Variants in ATR observed in about 807,000 individuals in gnomAD.
ATR encodes the protein serine/threonine-protein kinase ATR.
A neutral mutation model predicts 305.3 loss-of-function variants in ATR; 142 were observed. The observed-to-expected ratio is 0.47, with a 90% CI of 0.41 to 0.53. The LOEUF is 0.53. ATR is among the 20% of genes least tolerant of loss of function. The pLI is 0.00. For synonymous variants in ATR, 1,050 were observed against 1,068.1 expected, an observed-to-expected ratio of 0.98 and a Z score of 0.33; for missense variants, 2,135 against 3,133.1, an observed-to-expected ratio of 0.68 and a Z score of 7.60.
intron 3 of ATR, among the ~76,000 whole-genome samples, 187 bp downstream of exon 3, chr3:142,565,934 T>C (rs1326678540): frequency 6.6e-6 from 1 of 152,074 alleles, no homozygotes; most frequent in Non-Finnish European, 1.5e-5. Context: ...GTACCTAGTA[T>C]ACAATACTAA....
chr3:142,543,867 C>T (rs564572425), intron 16 of ATR, among the ~76,000 whole-genome samples: 4 of 151,954 alleles, frequency 2.6e-5, no homozygotes, highest in Non-Finnish European at 4.4e-5. Context: ...GATGGAGTTT[C>T]GCCATGTTGC....
intron 25 of ATR, among the ~76,000 whole-genome samples, chr3:142,514,807 CAAAAAAAAAA>C (rs56770183): frequency 1.0e-5 from 1 of 99,864 alleles, no homozygotes; most frequent in African/African-American, 3.8e-5. Context: ...GACTCCGTCA[CAAAAAAAAAA>C]AAAAAAAAAA....
At chr3:142,576,466 T>C (rs943433105) in intron 1 of ATR, among the ~76,000 whole-genome samples, 4 of 152,212 alleles carry the variant, frequency 2.6e-5, no homozygotes, top group Admixed American at 6.5e-5. Context: ...GCCAAGGACA[T>C]AGACTGAAAG....
intron 18 of ATR, among the ~76,000 whole-genome samples, chr3:142,540,384 C>A (rs1346785806): frequency 6.6e-6 from 1 of 152,066 alleles, no homozygotes; most frequent in Non-Finnish European, 1.5e-5. Context: ...CATCTCTGGT[C>A]ATATACAACA....
chr3:142,507,666 C>T (rs1346715104), intron 28 of ATR, among the ~76,000 whole-genome samples: 2 of 152,146 alleles, frequency 1.3e-5, no homozygotes, highest in Non-Finnish European at 2.9e-5. Flanking sequence ...TTTTAAGACA[C>T]CATCTCCAAG....
At chr3:142,551,395 C>T (rs1218424279) in intron 13 of ATR, among the ~76,000 whole-genome samples, 6 of 152,162 alleles carry the variant, frequency 3.9e-5, no homozygotes, top group Non-Finnish European at 4.4e-5. Context: ...CATTCCATGT[C>T]ACTGTATGCT....
At chr3:142,519,462 C>T (rs752173326) in intron 24 of ATR, among the ~76,000 whole-genome samples, 7 of 151,966 alleles carry the variant, frequency 4.6e-5, no homozygotes, top group South Asian at 2.1e-4. Flanking sequence ...CCACCACGCC[C>T]GGCTAATTTT....
chr3:142,519,415 C>T, intron 24 of ATR, among the ~76,000 whole-genome samples: 1 of 151,938 alleles, frequency 6.6e-6, no homozygotes, highest in East Asian at 1.9e-4. Flanking sequence ...GATTCTCCTG[C>T]CCCAGCCTCC....
chr3:142,498,530 A>C (rs759644136), intron 32 of ATR, 67 bp downstream of exon 32: 114 of 1,513,256 alleles, frequency 7.5e-5, no homozygotes, highest in Non-Finnish European at 9.8e-5. Flanking sequence ...TTTACTCAAA[A>C]AAATTTTCCA....
intron 29 of ATR, among the ~76,000 whole-genome samples, chr3:142,504,251 T>A (rs752178464): frequency 2.4e-4 from 36 of 152,176 alleles, no homozygotes; most frequent in Non-Finnish European, 1.9e-4. Context: ...GACGTGCAGG[T>A]GGGTGAGTAG....
intron 34 of ATR, among the ~76,000 whole-genome samples, chr3:142,494,337 G>C (rs142874990): frequency 6.6e-6 from 1 of 152,090 alleles, no homozygotes; most frequent in Non-Finnish European, 1.5e-5. Context: ...GGGAATTGAA[G>C]ACAATCACAA....
Position 142,503,385 on chromosome 3 carries a change from CT to C in ATR, c.5264del (p.Gln1755ArgfsTer2). On this transcript the variant is annotated frameshift_variant, in exon 30 of 47. Transcript: ENST00000350721. LOFTEE classifies it high-confidence loss of function. The part of the protein sequence containing the change: ...GLGQLSTVIT[Q>X]VNGVHANRSE... The stretch of plus-strand genomic sequence containing the variant: ...ACCTGTTAGCATGCACTCCATTCAC[CT>C]GAGTGATAACAGTAGACAGCTGACC... 6.2e-7 allele frequency: 1 copy of C among 1,607,530 alleles called. No homozygotes were observed. The highest frequency in any genetic ancestry group is 8.5e-7 in the Non-Finnish European group (1 of 1,174,278).
intron 36 of ATR, among the ~76,000 whole-genome samples, chr3:142,480,194 T>C (rs990686264): frequency 1.3e-5 from 2 of 152,356 alleles, no homozygotes; most frequent in East Asian, 3.9e-4. Context: ...TTTTCTGTTC[T>C]GTTTTTTCCC....
At chr3:142,558,940 G>C (rs577910321) in intron 7 of ATR, 164 bp from the exon 8 acceptor site, 3 of 707,362 alleles carry the variant, frequency 4.2e-6, no homozygotes, top group African/African-American at 3.6e-5. Context: ...TGAACCCAAA[G>C]AAATTAAATG....
chr3:142,513,452 G>T, intron 26 of ATR, 49 bp downstream of exon 26: 1 of 1,594,672 alleles, frequency 6.3e-7, no homozygotes, highest in Non-Finnish European at 8.6e-7. Flanking sequence ...TTACATTGGA[G>T]AAAGTAAGTT....
intron 25 of ATR, among the ~76,000 whole-genome samples, chr3:142,514,628 T>C (rs6440086): frequency 0.66 from 97,363 of 146,468 alleles, 33,946 homozygotes; most frequent in African/African-American, 0.9. Flanking sequence ...AGTGAGACTC[T>C]GTCTCGAAAA....
At chr3:142,540,389 A>G (rs2108436283) in intron 18 of ATR, among the ~76,000 whole-genome samples, 1 of 152,298 alleles carries the variant, frequency 6.6e-6, no homozygotes, top group South Asian at 2.1e-4. Flanking sequence ...CTGGTCATAT[A>G]CAACATAATA....
At chr3:142,564,022 GAGAA>G (rs1050290575) in intron 3 of ATR, among the ~76,000 whole-genome samples, 4 of 152,252 alleles carry the variant, frequency 2.6e-5, no homozygotes, top group African/African-American at 9.6e-5. Flanking sequence ...GCCTAATCCA[GAGAA>G]AGGCCCTCAA....
At chr3:142,537,129 C>G (rs1006902100) in intron 19 of ATR, among the ~76,000 whole-genome samples, 8 of 152,124 alleles carry the variant, frequency 5.3e-5, no homozygotes, top group African/African-American at 1.7e-4. Flanking sequence ...ATTCAGCAAG[C>G]TTAAGGTCTT....
Sources: allele counts gnomAD v4.1 joint callset (sites outside exome capture counted in the v4.1 genomes callset), GRCh38; gene constraint gnomAD v4.1.1; transcripts MANE v1.5; gene names NCBI Gene and HGNC (gene_info 2026-07-23, HGNC 2026-07-21).